FAM20C: variants seen among roughly 807,000 people sequenced by gnomAD.
FAM20C encodes FAM20C golgi associated secretory pathway kinase.
A neutral mutation model predicts 51.5 loss-of-function variants in FAM20C; 40 were observed. The observed-to-expected ratio is 0.78, with a 90% CI of 0.60 to 1.01. FAM20C has a LOEUF of 1.01. Among genes scored for constraint, FAM20C ranks in the 50% least tolerant of loss-of-function variants. The pLI, the probability that FAM20C is intolerant of heterozygous loss-of-function variation, is 0.00. For missense variants in FAM20C, 861 were observed against 844.7 expected, an observed-to-expected ratio of 1.02 and a Z score of -0.24; for synonymous variants, 406 against 380.6, an observed-to-expected ratio of 1.07 and a Z score of -0.78.
chr7:227,189 T>TA (rs1389141647), intron 3 of FAM20C, among the ~76,000 whole-genome samples: 2 of 152,068 alleles, frequency 1.3e-5, no homozygotes, highest in African/African-American at 4.8e-5. Flanking sequence ...TTTCTCCAGT[T>TA]ATGACGGTCG....
At chr7:198,455 C>T (rs2115045745) in intron 2 of FAM20C, among the ~76,000 whole-genome samples, 1 of 152,306 alleles carries the variant, frequency 6.6e-6, no homozygotes, top group African/African-American at 2.4e-5. Flanking sequence ...CTGACTCAGG[C>T]TGAACGTATT....
intron 3 of FAM20C, among the ~76,000 whole-genome samples, chr7:214,660 G>A (rs941635376): frequency 6.6e-6 from 1 of 152,182 alleles, no homozygotes; most frequent in African/African-American, 2.4e-5. Context: ...CTGTCAACAA[G>A]GGCGTTGGAA....
intron 8 of FAM20C, 47 bp downstream of exon 8, chr7:257,133 T>C (rs1428384387): frequency 5.3e-6 from 8 of 1,516,350 alleles, no homozygotes; most frequent in Middle Eastern, 1.7e-4. Flanking sequence ...GCCGGCCACC[T>C]CCCAGCTACC....
At position 257,911 on chromosome 7, in the gene FAM20C, G is replaced by A. The variant is rs550576169; in HGVS notation, c.1446-735G>A. On this transcript the variant is annotated intron_variant, in intron 8 of 9. Transcript: ENST00000313766. ...TGCCCAGGATGCTGGAGATGGGCTGGGTGGACACACTGCCTGGGGTGCTGG... is the reference window on the plus strand; with the variant it reads ...TGCCCAGGATGCTGGAGATGGGCTGAGTGGACACACTGCCTGGGGTGCTGG... 1.6e-3 allele frequency among the ~76,000 whole-genome samples: 228 copies of A among 139,744 alleles called. 11 individuals are homozygous for A. Among genetic ancestry groups the A allele is most frequent in the Middle Eastern group, 3.8e-3 (1 of 262 alleles). The allele number at this position is 139,744 out of a possible 152,430, so 91.7% of individuals were successfully genotyped here.
chr7:237,273 G>A (rs1003897329), intron 3 of FAM20C, among the ~76,000 whole-genome samples: 1 of 152,226 alleles, frequency 6.6e-6, no homozygotes, highest in African/African-American at 2.4e-5. Context: ...TGGATTCCAC[G>A]TGCATGAACT....
intron 5 of FAM20C, among the ~76,000 whole-genome samples, chr7:250,349 T>C (rs776220628): frequency 3.3e-5 from 5 of 151,088 alleles, no homozygotes; most frequent in African/African-American, 4.9e-5. Flanking sequence ...AAGAGAAAAA[T>C]AGGACAGAAA....
chr7:255,922 C>T lies in FAM20C; in HGVS notation c.1146C>T (p.Asp382=). Residue 382 remains aspartate, a synonymous_variant, in exon 6 of 10, where the codon GAC becomes GAT. Transcript: ENST00000313766. ...AGCACGCCCTGTGCGGGAAGCCAGA[C>T]CAGATCGAGGGCTCGCTGGCGGCCT... ...STEHALCGKP[D]QIEGSLAAFL... is the part of the protein sequence containing the mutation. The T allele has an allele frequency of 6.5e-7, 1 of 1,536,428 alleles. No individual in the cohort carries two copies. Among genetic ancestry groups the T allele is most frequent in the East Asian group, 2.4e-5 (1 of 40,910 alleles).
intron 3 of FAM20C, among the ~76,000 whole-genome samples, chr7:223,480 G>A (rs916837651): frequency 5.9e-5 from 9 of 152,214 alleles, no homozygotes; most frequent in Admixed American, 3.3e-4. Flanking sequence ...TGTGGGCCTC[G>A]CAGAGGCAAC....
At chr7:244,848 CAG>C (rs1788084282) in intron 3 of FAM20C, among the ~76,000 whole-genome samples, 1 of 152,248 alleles carries the variant, frequency 6.6e-6, no homozygotes, top group Non-Finnish European at 1.5e-5. Flanking sequence ...TTTCTAGCAG[CAG>C]AGACTAGTTC....
intron 3 of FAM20C, among the ~76,000 whole-genome samples, chr7:232,336 C>G (rs976329668): frequency 6.6e-6 from 1 of 152,230 alleles, no homozygotes; most frequent in South Asian, 2.1e-4. Flanking sequence ...CCCAGCCCCC[C>G]ACCTCTCAGA....
intron 1 of FAM20C, chr7:194,295 C>T (rs1464680356): frequency 6.5e-6 from 1 of 153,928 alleles, no homozygotes; most frequent in East Asian, 1.9e-4. Context: ...TGCAACAAGG[C>T]GGCCCAGCCA....
rs557844772 is a variant in FAM20C at position 244,591 on chromosome 7, G to C, written c.864-1824G>C. On this transcript the variant is annotated intron_variant, in intron 3 of 9. Coordinates refer to ENST00000313766, the MANE Select transcript of FAM20C (RefSeq NM_020223.4). ...TGGCGGGCAGCATGTTCAGTTTGCC[G>C]CCATACCTGCCACTGCCCTGCCCTG... is the stretch of plus-strand genomic sequence containing the variant. Among the ~76,000 whole-genome samples, 18 of 152,314 alleles carry C rather than the reference G, an allele frequency of 1.2e-4. No individual in the cohort carries two copies. The East Asian group carries it at 3.1e-3, about 26-fold the overall frequency.
intron 5 of FAM20C, among the ~76,000 whole-genome samples, chr7:250,129 C>T (rs192590097): frequency 5.1e-4 from 77 of 152,314 alleles, no homozygotes; most frequent in Non-Finnish European, 7.8e-4. Flanking sequence ...TTAGCTGCGT[C>T]TTCAGATTTG....
At position 260,288 on chromosome 7, in the gene FAM20C, A is replaced by G. The variant is rs1480747252; in HGVS notation, c.*308A>G. ...ACTATTTTGTATTTATATTTGATGA[A>G]TAAGTATATAAACAGAGACGTGTAC... On this transcript the variant is annotated 3_prime_UTR_variant, in exon 10 of 10. Coordinates refer to ENST00000313766, the MANE Select transcript of FAM20C (RefSeq NM_020223.4). 15 of 290,966 alleles carry G rather than the reference A, an allele frequency of 5.2e-5. No individual in the cohort carries two copies. Among genetic ancestry groups the G allele is most frequent in the Non-Finnish European group, 9.0e-5 (14 of 155,450 alleles). 18.0% of individuals were successfully genotyped at this position (290,966 alleles called of 1,614,324 possible).
At chr7:253,137 T>G (rs949680180) in intron 5 of FAM20C, among the ~76,000 whole-genome samples, 1 of 152,178 alleles carries the variant, frequency 6.6e-6, no homozygotes, top group East Asian at 1.9e-4. Flanking sequence ...AAATGCAGGT[T>G]GCAGGAGACA....
intron 8 of FAM20C, among the ~76,000 whole-genome samples, 178 bp from the exon 9 acceptor site, chr7:258,468 G>A (rs1473306302): frequency 1.4e-5 from 2 of 141,780 alleles, no homozygotes; most frequent in African/African-American, 5.4e-5. Flanking sequence ...CCCACTGCCT[G>A]GGGTGCTGGA....
chr7:213,540 C>A (rs1027168594), intron 3 of FAM20C, among the ~76,000 whole-genome samples: 4 of 151,996 alleles, frequency 2.6e-5, no homozygotes, highest in Non-Finnish European at 5.9e-5. Context: ...AAGTAATATT[C>A]CAAGGTGTGG....
intron 3 of FAM20C, among the ~76,000 whole-genome samples, chr7:220,735 G>A (rs193071984): frequency 1.1e-3 from 162 of 152,330 alleles, no homozygotes; most frequent in African/African-American, 3.7e-3. Context: ...GGCGGGACCC[G>A]TGCACACAGG....
At chr7:200,066 C>T (rs915104791) in intron 2 of FAM20C, among the ~76,000 whole-genome samples, 5 of 152,228 alleles carry the variant, frequency 3.3e-5, no homozygotes, top group Admixed American at 1.3e-4. Context: ...GACTAACCAG[C>T]GGGTGAGCTT....
Sources: gnomAD v4.1 joint callset for allele counts (sites outside exome capture counted in the v4.1 genomes callset) on GRCh38, gnomAD v4.1.1 for gene constraint, MANE v1.5 for transcripts, NCBI Gene and HGNC (gene_info 2026-07-23, HGNC 2026-07-21) for gene names.